NXNL2: variants seen among roughly 807,000 people sequenced by gnomAD.
NXNL2 encodes nucleoredoxin like 2, also known as nucleoredoxin-like protein 2.
Under a neutral mutation model 11.1 loss-of-function variants are expected in NXNL2, and 7 were observed. The ratio of observed to expected loss-of-function variants is 0.63; its 90% CI spans 0.36 to 1.18. The LOEUF (loss-of-function observed/expected upper bound fraction) is 1.18, where lower values mean the gene tolerates loss of function less well. NXNL2 is among the 50% of genes most tolerant of loss of function. NXNL2 has a pLI of 0.02. For synonymous variants in NXNL2, 109 were observed against 101.8 expected, an observed-to-expected ratio of 1.07 and a Z score of -0.42; for missense variants, 233 against 217.7, an observed-to-expected ratio of 1.07 and a Z score of -0.44.
chr9:88,566,995 T>TCTATCTATCTATCTAC (rs34244217), intron 1 of NXNL2, among the ~76,000 whole-genome samples: 11,355 of 150,328 alleles, frequency 0.076, 965 homozygotes, highest in East Asian at 0.48. Flanking sequence ...TATCTATCTA[T>TCTATCTATCTATCTAC]CTATCTATCT....
chr9:88,553,502 T>C (rs909143481), intron 1 of NXNL2, among the ~76,000 whole-genome samples: 2 of 152,186 alleles, frequency 1.3e-5, no homozygotes, highest in Non-Finnish European at 2.9e-5. Context: ...CCTTGCTACA[T>C]AGCGTGTTGC....
downstream of NXNL2, among the ~76,000 whole-genome samples, chr9:88,580,046 A>G (rs1830392231): frequency 6.6e-6 from 1 of 151,980 alleles, no homozygotes; most frequent in Non-Finnish European, 1.5e-5. Context: ...AGGCTGAGGC[A>G]GGAGAATCGC....
intron 1 of NXNL2, among the ~76,000 whole-genome samples, chr9:88,541,397 A>C (rs1441321477): frequency 6.6e-6 from 1 of 151,684 alleles, no homozygotes; most frequent in Non-Finnish European, 1.5e-5. Flanking sequence ...AGTAGCTGGG[A>C]CTACAGGTGC....
At chr9:88,564,391 A>G (rs1250388695) in intron 1 of NXNL2, among the ~76,000 whole-genome samples, 2 of 151,810 alleles carry the variant, frequency 1.3e-5, no homozygotes, top group South Asian at 2.1e-4. Flanking sequence ...TGTACAATGT[A>G]TGTACATATC....
chr9:88,537,433 C>G (rs995000559), intron 1 of NXNL2, among the ~76,000 whole-genome samples: 2 of 152,180 alleles, frequency 1.3e-5, no homozygotes, highest in Non-Finnish European at 2.9e-5. Flanking sequence ...CAGTGAGCTG[C>G]GTGACGTGGG....
intron 1 of NXNL2, among the ~76,000 whole-genome samples, chr9:88,583,306 C>G (rs1409514436): frequency 6.6e-6 from 1 of 152,198 alleles, no homozygotes; most frequent in Non-Finnish European, 1.5e-5. Context: ...CTTCTTAGTT[C>G]CTTTGGAATA....
chr9:88,543,631 A>G (rs986166210), intron 1 of NXNL2, among the ~76,000 whole-genome samples: 1 of 152,238 alleles, frequency 6.6e-6, no homozygotes, highest in African/African-American at 2.4e-5. Context: ...TAGAGGACAT[A>G]AAAAATTACT....
intron 1 of NXNL2, among the ~76,000 whole-genome samples, chr9:88,567,293 C>A (rs1187702202): frequency 6.6e-6 from 1 of 152,130 alleles, no homozygotes; most frequent in African/African-American, 2.4e-5. Flanking sequence ...TGCCTGCCAC[C>A]ATCCCCAGCT....
intron 1 of NXNL2, 22 bp from the exon 2 acceptor site, chr9:88,544,357 G>A (rs1446804848): frequency 6.5e-7 from 1 of 1,543,324 alleles, no homozygotes; most frequent in Non-Finnish European, 8.8e-7. Flanking sequence ...GCTAACTTCG[G>A]TACCACTCTT....
intron 1 of NXNL2, among the ~76,000 whole-genome samples, chr9:88,561,371 T>C (rs973614965): frequency 6.8e-6 from 1 of 146,050 alleles, no homozygotes; most frequent in East Asian, 1.9e-4. Flanking sequence ...GATTGTGTAA[T>C]CTTGTGATTG....
chr9:88,563,126 T>C (rs553914100), intron 1 of NXNL2, among the ~76,000 whole-genome samples: 1 of 152,224 alleles, frequency 6.6e-6, no homozygotes, highest in African/African-American at 2.4e-5. Context: ...ACTGAGGGCT[T>C]ACCACATATG....
At chr9:88,547,103 C>T (rs1259369599), downstream of NXNL2, among the ~76,000 whole-genome samples, 1 of 152,214 alleles carries the variant, frequency 6.6e-6, no homozygotes, top group Admixed American at 6.5e-5. Flanking sequence ...AGCCCAGGCC[C>T]ACGTCTCATC....
At chr9:88,538,467 T>C (rs938229273) in intron 1 of NXNL2, 5 of 152,284 alleles carry the variant, frequency 3.3e-5, no homozygotes, top group Non-Finnish European at 7.3e-5. Flanking sequence ...CCACGGAGGA[T>C]GCAGCTTTGT....
intron 1 of NXNL2, among the ~76,000 whole-genome samples, chr9:88,569,815 T>C (rs1830232447): frequency 6.6e-6 from 1 of 152,192 alleles, no homozygotes; most frequent in South Asian, 2.1e-4. Context: ...TATTTGGCCA[T>C]GATTTATTAT....
chr9:88,537,688 C>T (rs1018579277), intron 1 of NXNL2, among the ~76,000 whole-genome samples: 3 of 152,162 alleles, frequency 2.0e-5, no homozygotes, highest in East Asian at 1.9e-4. Flanking sequence ...AAGACCAATC[C>T]GGTTTAGCCA....
At chr9:88,566,085 C>T (rs1587853437) in intron 1 of NXNL2, among the ~76,000 whole-genome samples, 1 of 152,122 alleles carries the variant, frequency 6.6e-6, no homozygotes, top group East Asian at 1.9e-4. Context: ...CTTTGGAAAT[C>T]AGCCTCTTAT....
intron 1 of NXNL2, among the ~76,000 whole-genome samples, chr9:88,583,279 G>A (rs529272820): frequency 6.6e-6 from 1 of 152,242 alleles, no homozygotes; most frequent in Non-Finnish European, 1.5e-5. Flanking sequence ...TGCTCGTGGA[G>A]ACCCACTCAG....
At chr9:88,561,820 A>G (rs1036434712) in intron 1 of NXNL2, among the ~76,000 whole-genome samples, 4 of 152,236 alleles carry the variant, frequency 2.6e-5, no homozygotes, top group African/African-American at 9.6e-5. Context: ...AGCCAAGCTC[A>G]GGAGAAGAGG....
intron 1 of NXNL2, among the ~76,000 whole-genome samples, chr9:88,570,582 C>T (rs117860768): frequency 1.6e-3 from 245 of 151,612 alleles, no homozygotes; most frequent in Non-Finnish European, 2.6e-3. Context: ...ATAATGATCA[C>T]ACCTATCTCA....
Sources: allele counts gnomAD v4.1 joint callset (sites outside exome capture counted in the v4.1 genomes callset), GRCh38; gene constraint gnomAD v4.1.1; transcripts MANE v1.5; gene names NCBI Gene and HGNC (gene_info 2026-07-23, HGNC 2026-07-21).